The following PATJ variants were observed in gnomAD, a reference collection of about 807,000 sequenced individuals.
PATJ encodes PATJ crumbs cell polarity complex component.
Under a neutral mutation model 224.9 loss-of-function variants are expected in PATJ, and 190 were observed. The observed-to-expected ratio is 0.84, with a 90% CI of 0.75 to 0.95. The LOEUF (loss-of-function observed/expected upper bound fraction) is 0.95, where lower values mean the gene tolerates loss of function less well. Ranked by LOEUF, PATJ falls within the 40% of genes least tolerant of loss-of-function variation. The pLI is 0.00. For missense variants in PATJ, 2,121 were observed against 2,270.3 expected, an observed-to-expected ratio of 0.93 and a Z score of 1.34; for synonymous variants, 769 against 820.3, an observed-to-expected ratio of 0.94 and a Z score of 1.07.
rs1445527036 is a variant in PATJ at position 62,086,537 on chromosome 1, C to A, written c.4377+1889C>A. Among the ~76,000 whole-genome samples the A allele has an allele frequency of 6.6e-6, 1 of 152,034 alleles. No homozygotes were observed. The highest frequency in any genetic ancestry group is 1.5e-5 in the Non-Finnish European group (1 of 68,012). On this transcript the variant is annotated intron_variant, in intron 33 of 43. Coordinates refer to ENST00000642238, the MANE Select transcript of PATJ (RefSeq NM_001350145.3). The surrounding 1 kb of genome is among the most constrained non-coding windows in gnomAD (Gnocchi z 4.0). ...TTTAGTAAGCAATAAATTGTACATG[C>A]CAGATAAAACAAACATATCAGGGTC...
intron 30 of PATJ, among the ~76,000 whole-genome samples, chr1:62,039,892 G>T (rs77014104): frequency 6.6e-6 from 1 of 151,662 alleles, no homozygotes; most frequent in South Asian, 2.1e-4. Flanking sequence ...CCAAAAACTC[G>T]CCAGGTGGGA....
chr1:61,889,232 C>T (rs1669263142), intron 22 of PATJ, among the ~76,000 whole-genome samples: 1 of 152,096 alleles, frequency 6.6e-6, no homozygotes, highest in South Asian at 2.1e-4. Flanking sequence ...TGTGAGTGCA[C>T]CAAGGGTAAG....
chr1:61,998,015 A>AT lies in PATJ; in HGVS notation c.3867+7651_3867+7652insT, dbSNP rs1188487179. On this transcript the variant is annotated intron_variant, in intron 28 of 43. Coordinates refer to ENST00000642238, the MANE Select transcript of PATJ (RefSeq NM_001350145.3). The stretch of plus-strand genomic sequence containing the variant: ...GTATATATAATATATTATATATATT[A>AT]ATTATATATAATATATTATATATTT... Among the ~76,000 whole-genome samples, 30 of 114,550 alleles carry AT rather than the reference A, an allele frequency of 2.6e-4. 1 individual carries two copies. Among genetic ancestry groups the AT allele is most frequent in the African/African-American group, 9.6e-4 (27 of 28,026 alleles). The allele number at this position is 114,550 out of a possible 152,430, so 75.1% of individuals were successfully genotyped here.
At chr1:61,818,884 G>A (rs148282393) in intron 14 of PATJ, among the ~76,000 whole-genome samples, 52 of 152,244 alleles carry the variant, frequency 3.4e-4, no homozygotes, top group African/African-American at 1.2e-3. Flanking sequence ...ATGCGGATTG[G>A]GAGAGGATTG....
intron 7 of PATJ, among the ~76,000 whole-genome samples, chr1:61,776,950 C>T (rs1272511823): frequency 1.3e-5 from 2 of 152,128 alleles, no homozygotes; most frequent in South Asian, 2.1e-4. Context: ...TGGTCTCGAT[C>T]TCCTGACCTC....
chr1:62,051,013 C>G lies in PATJ; in HGVS notation c.4080C>G (p.Val1360=). 6.2e-7 allele frequency: 1 copy of G among 1,614,008 alleles called. No individual in the cohort carries two copies. Among genetic ancestry groups the G allele is most frequent in the Non-Finnish European group, 8.5e-7 (1 of 1,179,904 alleles). ...EPISSEEDGS[V]EVGIKQLPES... is the part of the protein sequence containing the mutation. ...TTAGTAGTGAGGAAGATGGCAGCGTCGAAGTTGGTATTAAACAATTGCCTG... is the reference window on the plus strand; with the variant it reads ...TTAGTAGTGAGGAAGATGGCAGCGTGGAAGTTGGTATTAAACAATTGCCTG... The change falls in exon 31 of 44, where the codon GTC becomes GTG. Residue 1360 remains valine (V), a synonymous_variant. Transcript: ENST00000642238.
Position 61,777,511 on chromosome 1 carries a change from C to T in PATJ, c.849+2177C>T, listed in dbSNP as rs150233721. Reference sequence around the variant, plus strand: ...GGCACTGAACTCCATCCAGCCTGGGCGACAGAGTAAGACCCTGTCTCAAGA... The same window carrying T: ...GGCACTGAACTCCATCCAGCCTGGGTGACAGAGTAAGACCCTGTCTCAAGA... On this transcript the variant is annotated intron_variant, in intron 7 of 43. Coordinates refer to ENST00000642238, the MANE Select transcript of PATJ (RefSeq NM_001350145.3). Among the ~76,000 whole-genome samples, 1,396 of 151,214 alleles carry T rather than the reference C, an allele frequency of 9.2e-3. 33 individuals carry two copies. The highest frequency in any genetic ancestry group is 0.032 in the African/African-American group (1,328 of 41,158).
At chr1:62,023,170 A>G (rs1323010601) in intron 29 of PATJ, among the ~76,000 whole-genome samples, 3 of 151,984 alleles carry the variant, frequency 2.0e-5, no homozygotes, top group Non-Finnish European at 4.4e-5. Flanking sequence ...GGTGCCTGTA[A>G]TCCCAGGTAC....
chr1:61,869,357 C>G (rs992250306), intron 20 of PATJ, among the ~76,000 whole-genome samples: 1 of 152,054 alleles, frequency 6.6e-6, no homozygotes, highest in Non-Finnish European at 1.5e-5. Context: ...CCGCCCGCCT[C>G]GGCCTCCCAA....
intron 20 of PATJ, among the ~76,000 whole-genome samples, chr1:61,871,444 C>T (rs78420473): frequency 0.024 from 267 of 10,984 alleles, 2 homozygotes; most frequent in African/African-American, 0.057. Flanking sequence ...TGTGTATATA[C>T]ACATATATAT....
chr1:61,879,132 T>C (rs2149047333), intron 21 of PATJ, among the ~76,000 whole-genome samples: 1 of 152,348 alleles, frequency 6.6e-6, no homozygotes, highest in African/African-American at 2.4e-5. Flanking sequence ...CATCATATTC[T>C]TATAAACATG....
chr1:61,884,207 T>G, intron 21 of PATJ, 30 bp from the exon 22 acceptor site: 2 of 1,548,348 alleles, frequency 1.3e-6, no homozygotes, highest in East Asian at 4.6e-5. Context: ...GTGCCTCTTG[T>G]GTTCACTGTC....
intron 27 of PATJ, among the ~76,000 whole-genome samples, chr1:61,963,313 G>C (rs780455598): frequency 2.0e-5 from 3 of 152,162 alleles, no homozygotes; most frequent in African/African-American, 7.2e-5. Flanking sequence ...AAGGAAACCA[G>C]CCTGGGCGTG....
At chr1:61,814,519 A>AGTGC (rs1655646124) in intron 14 of PATJ, among the ~76,000 whole-genome samples, 1 of 143,980 alleles carries the variant, frequency 6.9e-6, no homozygotes, top group Non-Finnish European at 1.5e-5. Context: ...CCTTTTGTTT[A>AGTGC]GTGTGTGTGT....
intron 19 of PATJ, among the ~76,000 whole-genome samples, chr1:61,863,075 G>T (rs1353131758): frequency 1.0e-5 from 1 of 99,334 alleles, no homozygotes; most frequent in Non-Finnish European, 1.8e-5. Flanking sequence ...TTGCTCTGTT[G>T]TCCAGGCTGG....
At chr1:61,876,995 T>G (rs1415541269) in intron 21 of PATJ, among the ~76,000 whole-genome samples, 1 of 152,214 alleles carries the variant, frequency 6.6e-6, no homozygotes, top group Non-Finnish European at 1.5e-5. Context: ...TTTTGGAAGA[T>G]TTCAGACAGA....
chr1:61,901,212 A>G, intron 23 of PATJ, 70 bp from the exon 24 acceptor site: 1 of 933,476 alleles, frequency 1.1e-6, no homozygotes, highest in Non-Finnish European at 1.5e-6. Context: ...GATATGATGC[A>G]AATGGAATAC....
intron 21 of PATJ, among the ~76,000 whole-genome samples, chr1:61,882,033 G>A (rs1026505245): frequency 6.6e-6 from 1 of 152,272 alleles, no homozygotes; most frequent in Admixed American, 6.5e-5. Context: ...ATATTTACTT[G>A]TTCAGAAATA....
chr1:61,994,189 C>G (rs953125231), intron 28 of PATJ, among the ~76,000 whole-genome samples: 5 of 152,238 alleles, frequency 3.3e-5, no homozygotes, highest in African/African-American at 1.2e-4. Context: ...AAATATCTTA[C>G]TGTGCATCTG....
Sources: gnomAD v4.1 joint callset for allele counts (sites outside exome capture counted in the v4.1 genomes callset) on GRCh38, gnomAD v4.1.1 for gene constraint, Gnocchi (gnomAD v3.1) non-coding constraint, MANE v1.5 for transcripts, NCBI Gene and HGNC (gene_info 2026-07-23, HGNC 2026-07-21) for gene names.